PKD1L1: variants seen among roughly 807,000 people sequenced by gnomAD.
PKD1L1 encodes polycystin-1-like protein 1.
A neutral mutation model predicts 323.4 loss-of-function variants in PKD1L1; 236 were observed. That is an observed-to-expected ratio of 0.73 (90% CI 0.66 to 0.81). The LOEUF (loss-of-function observed/expected upper bound fraction) is 0.81, where lower values mean the gene tolerates loss of function less well. Among genes scored for constraint, PKD1L1 ranks in the 40% least tolerant of loss-of-function variants. PKD1L1 has a pLI of 0.00. For missense variants in PKD1L1, 3,320 were observed against 3,508.0 expected, an observed-to-expected ratio of 0.95 and a Z score of 1.35; for synonymous variants, 1,344 against 1,335.0, an observed-to-expected ratio of 1.01 and a Z score of -0.15.
intron 9 of PKD1L1, among the ~76,000 whole-genome samples, chr7:47,907,628 AATT>A (rs1164503650): frequency 6.6e-6 from 1 of 152,110 alleles, no homozygotes; most frequent in African/African-American, 2.4e-5. Context: ...ATGCTTTCTC[AATT>A]CTGTTTTAGC....
At chr7:47,809,822 T>G in intron 50 of PKD1L1, 1 of 359,780 alleles carries the variant, frequency 2.8e-6, no homozygotes, top group Non-Finnish European at 5.0e-6. Flanking sequence ...CCCAAGATGG[T>G]CTCTGCACTC....
At chr7:47,883,256 T>C (rs1282748324) in intron 19 of PKD1L1, among the ~76,000 whole-genome samples, 1 of 152,194 alleles carries the variant, frequency 6.6e-6, no homozygotes, top group Non-Finnish European at 1.5e-5. Flanking sequence ...CTCTTGGGGC[T>C]GGGGCTAGCC....
At chr7:47,856,723 T>G (rs1785912606) in intron 28 of PKD1L1, among the ~76,000 whole-genome samples, 1 of 152,206 alleles carries the variant, frequency 6.6e-6, no homozygotes, top group Non-Finnish European at 1.5e-5. Context: ...TGTTTTTTAT[T>G]GATTGTTAGT....
In PKD1L1 at chr7:47,946,376, C is replaced by T. The variant is rs896844830; in HGVS notation, c.44+2021G>A. ...CACACAAACACACACCACACACTCA[C>T]ACCACACCACACTCACACCACACAA... is the stretch of plus-strand genomic sequence containing the variant. On this transcript the variant is annotated intron_variant, in intron 1 of 56. Transcript: ENST00000289672. This position sits in a 1 kb window ranked among gnomAD's most constrained non-coding sequence, Gnocchi z 4.1. Among the ~76,000 whole-genome samples the T allele has an allele frequency of 6.7e-6, 1 of 149,170 alleles. No homozygotes were observed. Among genetic ancestry groups the T allele is most frequent in the Admixed American group, 6.7e-5 (1 of 14,930 alleles).
intron 32 of PKD1L1, among the ~76,000 whole-genome samples, chr7:47,845,541 C>T (rs1785647700): frequency 6.6e-6 from 1 of 152,194 alleles, no homozygotes. Flanking sequence ...CTATCTCACC[C>T]TCATTATCTT....
At chr7:47,943,164 ATATATAT>A (rs1456303217) in intron 2 of PKD1L1, among the ~76,000 whole-genome samples, 161 of 25,652 alleles carry the variant, frequency 6.3e-3, no homozygotes, top group African/African-American at 0.021. Context: ...AAAAAAAAAA[ATATATAT>A]ATATATATAT....
At chr7:47,932,204 G>T in intron 4 of PKD1L1, 148 bp from the exon 5 acceptor site, 2 of 1,301,990 alleles carry the variant, frequency 1.5e-6, no homozygotes, top group Non-Finnish European at 2.1e-6. Flanking sequence ...TGGGAGTCAG[G>T]CCCAGGCTGA....
chr7:47,920,980 A>G (rs750512414), intron 7 of PKD1L1, among the ~76,000 whole-genome samples: 14 of 152,166 alleles, frequency 9.2e-5, no homozygotes, highest in Non-Finnish European at 1.9e-4. Context: ...ACATTGGCTT[A>G]GGTAAGGATT....
chr7:47,846,950 C>G lies in PKD1L1; in HGVS notation c.5082G>C (p.Trp1694Cys). ...VHFQWIRCLF[W>C]DKREWKSERF... ...GTTCAGATTTCCACTCTCTCTTGTCCCAAAACAGGCATCGGATCCACTGGA... is the reference window on the plus strand; with the variant it reads ...GTTCAGATTTCCACTCTCTCTTGTCGCAAAACAGGCATCGGATCCACTGGA... Residue 1694 changes from tryptophan (W) to cysteine (C), a missense_variant, in exon 32 of 57, where the codon TGG (tryptophan) becomes TGC (cysteine). By Grantham distance (215) the Trp-to-Cys change is radical (BLOSUM62 -2). Coordinates refer to ENST00000289672, the MANE Select transcript of PKD1L1 (RefSeq NM_138295.5). The G allele has an allele frequency of 6.2e-7, 1 of 1,613,856 alleles. No homozygotes were observed. Among genetic ancestry groups the G allele is most frequent in the East Asian group, 2.2e-5 (1 of 44,882 alleles).
chr7:47,781,992 T>C (rs1056669563), intron 56 of PKD1L1, among the ~76,000 whole-genome samples: 6 of 152,342 alleles, frequency 3.9e-5, no homozygotes, highest in South Asian at 2.1e-4. Flanking sequence ...GAGTCCATTC[T>C]GGGATCTCTA....
intron 2 of PKD1L1, among the ~76,000 whole-genome samples, chr7:47,941,065 G>A (rs548681093): frequency 6.6e-6 from 1 of 152,362 alleles, no homozygotes; most frequent in Non-Finnish European, 1.5e-5. Flanking sequence ...CCTGCACAGA[G>A]CCACTCTCAG....
At chr7:47,857,899 C>T in intron 27 of PKD1L1, 67 bp from the exon 28 acceptor site, 3 of 1,470,488 alleles carry the variant, frequency 2.0e-6, no homozygotes, top group Non-Finnish European at 2.8e-6. Context: ...TGAATCCAGA[C>T]TAGGAGAGAG....
chr7:47,894,871 C>A (rs1786903730), intron 14 of PKD1L1, among the ~76,000 whole-genome samples: 1 of 133,752 alleles, frequency 7.5e-6, no homozygotes, highest in Admixed American at 7.2e-5. Flanking sequence ...AAAAAAAAAA[C>A]TGACGCAATT....
In PKD1L1 at chr7:47,796,046, G is replaced by A; in HGVS notation, c.8298C>T (p.Leu2766=). The part of the protein sequence containing the change: ...DVTAYMWEKV[L]TFLRLETPKL... ...TTGGTGTTTCCAGTCTCAGAAAGGTGAGGACCTTTTCCCACATATAAGCAG... is the reference window on the plus strand; with the variant it reads ...TTGGTGTTTCCAGTCTCAGAAAGGTAAGGACCTTTTCCCACATATAAGCAG... The change falls in exon 55 of 57, where the codon CTC becomes CTT. Residue 2766 remains leucine (L), a synonymous_variant. Transcript: ENST00000289672. 6.2e-7 allele frequency: 1 copy of A among 1,612,738 alleles called. No individual in the cohort carries two copies. The highest frequency in any genetic ancestry group is 8.5e-7 in the Non-Finnish European group (1 of 1,179,294).
chr7:47,930,956 C>T, intron 6 of PKD1L1, 148 bp downstream of exon 6: 2 of 842,972 alleles, frequency 2.4e-6, no homozygotes, highest in Non-Finnish European at 1.8e-6. Flanking sequence ...ATGTCTACAG[C>T]ATTGTAACTT....
intron 2 of PKD1L1, among the ~76,000 whole-genome samples, chr7:47,940,752 T>C (rs1164107008): frequency 6.6e-6 from 1 of 152,178 alleles, no homozygotes; most frequent in Non-Finnish European, 1.5e-5. Flanking sequence ...ATAAGCAGGA[T>C]GTTCCCACCC....
chr7:47,893,998 TG>T lies in PKD1L1; in HGVS notation c.2332del (p.Gln778ArgfsTer6), dbSNP rs772622926. The part of the protein sequence containing the change: ...NYCVGLEVRA[Q>X]APVSVISEGT... ...CTCGGAGATCACACTGACAGGGGCC[TG>T]GGCTCGCACCTCCAGGCCCACACAG... is the stretch of plus-strand genomic sequence containing the variant. On this transcript the variant is annotated frameshift_variant, in exon 15 of 57. Transcript: ENST00000289672. LOFTEE classifies it high-confidence loss of function. 1.9e-6 allele frequency: 3 copies of T among 1,612,610 alleles called. No individual in the cohort carries two copies. The Admixed American group carries it at 5.0e-5, about 27-fold the overall frequency.
At chr7:47,812,075 T>TAGGGC (rs1784911227) in intron 49 of PKD1L1, 24 bp from the exon 50 acceptor site, 3 of 1,543,070 alleles carry the variant, frequency 1.9e-6, no homozygotes, top group South Asian at 1.2e-5. Flanking sequence ...CACACTGGGG[T>TAGGGC]AGGGCAGGGC....
chr7:47,931,003 C>T, intron 6 of PKD1L1, 101 bp downstream of exon 6: 1 of 1,221,488 alleles, frequency 8.2e-7, no homozygotes, highest in South Asian at 1.5e-5. Context: ...ATAATTAAAG[C>T]AAACAACGAA....
Sources: allele counts gnomAD v4.1 joint callset (sites outside exome capture counted in the v4.1 genomes callset), GRCh38; gene constraint gnomAD v4.1.1; non-coding constraint Gnocchi (gnomAD v3.1); transcripts MANE v1.5; gene names NCBI Gene and HGNC (gene_info 2026-07-23, HGNC 2026-07-21).